KCNH1: variants seen among roughly 807,000 people sequenced by gnomAD.
KCNH1 encodes the protein potassium voltage-gated channel subfamily H member 1.
Under a neutral mutation model 69.2 loss-of-function variants are expected in KCNH1, and 27 were observed. The ratio of observed to expected loss-of-function variants is 0.39; its 90% CI spans 0.29 to 0.54. KCNH1 has a LOEUF of 0.54. Among genes scored for constraint, KCNH1 ranks in the 20% least tolerant of loss-of-function variants. KCNH1 has a pLI of 0.68. For synonymous variants in KCNH1, 456 were observed against 487.7 expected (o/e 0.93, Z 0.86); for missense variants, 798 against 1,261.6 (o/e 0.63, Z 5.57).
At chr1:210,941,978 T>G (rs1429800371) in intron 6 of KCNH1, among the ~76,000 whole-genome samples, 1 of 152,190 alleles carries the variant, frequency 6.6e-6, no homozygotes, top group East Asian at 1.9e-4. Flanking sequence ...CATTCTAGAC[T>G]CTTCCATTCC....
At chr1:211,082,276 AAACATT>A (rs2102466777) in intron 5 of KCNH1, among the ~76,000 whole-genome samples, 1 of 152,372 alleles carries the variant, frequency 6.6e-6, no homozygotes, top group Non-Finnish European at 1.5e-5. Context: ...TGAATTTCAT[AAACATT>A]AACATTTGAA....
At chr1:210,910,401 G>C (rs918104052) in intron 7 of KCNH1, among the ~76,000 whole-genome samples, 1 of 152,236 alleles carries the variant, frequency 6.6e-6, no homozygotes, top group Non-Finnish European at 1.5e-5. Context: ...AAAGGAGTCT[G>C]AGGGGCTGAC....
chr1:211,051,043 G>C (rs1204466730), intron 5 of KCNH1, among the ~76,000 whole-genome samples: 2 of 151,014 alleles, frequency 1.3e-5, no homozygotes, highest in African/African-American at 4.9e-5. Context: ...CATCACCCCA[G>C]CTGGAGTGCA....
At chr1:210,718,641 C>CAT (rs772681835) in intron 10 of KCNH1, among the ~76,000 whole-genome samples, 10 of 72,202 alleles carry the variant, frequency 1.4e-4, no homozygotes, top group East Asian at 8.6e-4. Context: ...TATATATATA[C>CAT]ATATATATAT....
At chr1:211,049,289 C>G (rs1051399168) in intron 5 of KCNH1, among the ~76,000 whole-genome samples, 5 of 152,076 alleles carry the variant, frequency 3.3e-5, no homozygotes, top group Admixed American at 3.3e-4. Context: ...CTTAGGTGGT[C>G]AGAAAAGGCT....
intron 7 of KCNH1, among the ~76,000 whole-genome samples, chr1:210,884,071 G>A (rs145664735): frequency 1.1e-4 from 17 of 152,268 alleles, no homozygotes; most frequent in African/African-American, 4.1e-4. Context: ...TGAGACGCAT[G>A]CACAGAAAAA....
intron 6 of KCNH1, among the ~76,000 whole-genome samples, chr1:210,954,014 A>T (rs1261947235): frequency 6.6e-6 from 1 of 152,160 alleles, no homozygotes; most frequent in Non-Finnish European, 1.5e-5. Context: ...CGTCATTTAC[A>T]TTAGGTATTT....
At chr1:210,738,624 G>A (rs574341646) in intron 10 of KCNH1, among the ~76,000 whole-genome samples, 4 of 139,728 alleles carry the variant, frequency 2.9e-5, no homozygotes, top group African/African-American at 8.2e-5. Flanking sequence ...CGGTGCCGTG[G>A]CACAATCAGA....
chr1:210,824,057 TC>T (rs1684987349), intron 7 of KCNH1, among the ~76,000 whole-genome samples: 1 of 152,146 alleles, frequency 6.6e-6, no homozygotes, highest in African/African-American at 2.4e-5. Context: ...CACCTTGGCC[TC>T]CCAAAGTGTT....
intron 5 of KCNH1, among the ~76,000 whole-genome samples, chr1:211,038,998 G>T (rs940933974): frequency 2.0e-5 from 3 of 152,190 alleles, no homozygotes; most frequent in Non-Finnish European, 4.4e-5. Flanking sequence ...TGTCTCCAGG[G>T]AATGTCAGAG....
chr1:210,905,722 G>A (rs916256988), intron 7 of KCNH1, among the ~76,000 whole-genome samples: 7 of 152,024 alleles, frequency 4.6e-5, no homozygotes, highest in Admixed American at 1.3e-4. Context: ...AAGGGCAGCC[G>A]TAGGGTGCTG....
intron 5 of KCNH1, among the ~76,000 whole-genome samples, chr1:211,024,058 A>G (rs979690339): frequency 1.3e-5 from 2 of 152,172 alleles, no homozygotes; most frequent in Non-Finnish European, 1.5e-5. Flanking sequence ...TACTCCATAA[A>G]CATATATAAT....
At chr1:210,959,081 C>T (rs1211969013) in intron 6 of KCNH1, among the ~76,000 whole-genome samples, 1 of 152,172 alleles carries the variant, frequency 6.6e-6, no homozygotes, top group Admixed American at 6.5e-5. Context: ...TGTTGGTGAC[C>T]AATAAATGAG....
At chr1:210,831,294 TCATC>T (rs1344778601) in intron 7 of KCNH1, among the ~76,000 whole-genome samples, 1 of 152,222 alleles carries the variant, frequency 6.6e-6, no homozygotes, top group Non-Finnish European at 1.5e-5. Flanking sequence ...TCCTCATCAA[TCATC>T]CATCCAAGTT....
At chr1:210,895,719 C>G (rs1054632821) in intron 7 of KCNH1, among the ~76,000 whole-genome samples, 4 of 151,754 alleles carry the variant, frequency 2.6e-5, no homozygotes, top group African/African-American at 9.7e-5. Flanking sequence ...GAGCAGAAGA[C>G]AGAATATAGT....
intron 10 of KCNH1, among the ~76,000 whole-genome samples, chr1:210,712,576 T>G (rs917768360): frequency 6.6e-6 from 1 of 152,160 alleles, no homozygotes; most frequent in African/African-American, 2.4e-5. Flanking sequence ...AGAGTGACTT[T>G]CCTTTAATTT....
At chr1:210,923,568 C>T (rs143868965) in intron 6 of KCNH1, among the ~76,000 whole-genome samples, 56 of 152,352 alleles carry the variant, frequency 3.7e-4, no homozygotes, top group Middle Eastern at 3.4e-3. Context: ...CACGACTGTG[C>T]CTGCTCAGAC....
intron 2 of KCNH1, 118 bp from the exon 3 acceptor site, chr1:211,103,720 A>C (rs562126645): frequency 8.2e-6 from 5 of 608,290 alleles, no homozygotes; most frequent in Non-Finnish European, 1.4e-5. Context: ...ACACACACAC[A>C]CAATGAAAAC....
At chr1:210,775,002 C>T (rs1352813646) in intron 10 of KCNH1, among the ~76,000 whole-genome samples, 1 of 152,126 alleles carries the variant, frequency 6.6e-6, no homozygotes. Context: ...AATTAAATGG[C>T]CCCACAGAGC....
Sources: allele counts gnomAD v4.1 joint callset (sites outside exome capture counted in the v4.1 genomes callset), GRCh38; gene constraint gnomAD v4.1.1; transcripts MANE v1.5; gene names NCBI Gene and HGNC (gene_info 2026-07-23, HGNC 2026-07-21).